Variants in SPAG16 observed in about 807,000 individuals in gnomAD.
The protein encoded by SPAG16 is sperm associated antigen 16, also known as sperm-associated antigen 16 protein.
Under a neutral mutation model 80.4 loss-of-function variants are expected in SPAG16, and 86 were observed. That is an observed-to-expected ratio of 1.07 (90% CI 0.90 to 1.28). The LOEUF (loss-of-function observed/expected upper bound fraction) is 1.28. Ranked by LOEUF, SPAG16 falls within the 50% of genes most tolerant of loss-of-function variation. The pLI is 0.00. For synonymous variants in SPAG16, 294 were observed against 265.9 expected, an observed-to-expected ratio of 1.11 and a Z score of -1.03; for missense variants, 870 against 765.3, an observed-to-expected ratio of 1.14 and a Z score of -1.61.
chr2:213,906,903 A>G (rs1318601710), intron 11 of SPAG16, among the ~76,000 whole-genome samples: 1 of 152,196 alleles, frequency 6.6e-6, no homozygotes, highest in Non-Finnish European at 1.5e-5. Context: ...AAATCTATAA[A>G]ACTACTAGAA....
At chr2:214,212,963 C>T (rs528681289) in intron 15 of SPAG16, among the ~76,000 whole-genome samples, 1 of 152,332 alleles carries the variant, frequency 6.6e-6, no homozygotes, top group South Asian at 2.1e-4. Context: ...GCACGGTGGG[C>T]CACCATTATT....
At chr2:213,959,100 A>G (rs888259725) in intron 12 of SPAG16, among the ~76,000 whole-genome samples, 15 of 152,050 alleles carry the variant, frequency 9.9e-5, no homozygotes, top group Admixed American at 9.8e-4. Context: ...TCTGGCTTCC[A>G]TAGTTTTTGA....
chr2:214,198,158 C>G (rs538081715), intron 15 of SPAG16, among the ~76,000 whole-genome samples: 161 of 151,812 alleles, frequency 1.1e-3, no homozygotes, highest in Admixed American at 2.0e-3. Flanking sequence ...TAAGTTCTTC[C>G]TAGTGATGAT....
At chr2:213,704,734 C>A (rs1407911874) in intron 10 of SPAG16, among the ~76,000 whole-genome samples, 1 of 152,158 alleles carries the variant, frequency 6.6e-6, no homozygotes, top group Non-Finnish European at 1.5e-5. Context: ...ATAAAATAAG[C>A]CAAGTCAATG....
chr2:213,284,490 G>C lies in SPAG16; in HGVS notation c.7G>C (p.Ala3Pro). The change falls in exon 1 of 16, where the codon GCT becomes CCT. Residue 3 changes from alanine to proline, a missense_variant. By Grantham distance (27) the Ala-to-Pro change is conservative (BLOSUM62 -1). Transcript: ENST00000331683. MA[A>P]QRGMPSSAVR... The stretch of plus-strand genomic sequence containing the variant: ...GGGGCCCGAAGCGCCAGAGATGGCT[G>C]CTCAGCGAGGGATGCCCAGCTCCGC... The C allele has an allele frequency of 6.4e-7, 1 of 1,568,428 alleles. No individual in the cohort carries two copies. The highest frequency in any genetic ancestry group is 1.3e-5 in the African/African-American group (1 of 74,188).
intron 15 of SPAG16, among the ~76,000 whole-genome samples, chr2:214,279,366 AT>A (rs1327638387): frequency 3.3e-5 from 5 of 152,148 alleles, no homozygotes; most frequent in African/African-American, 1.2e-4. Flanking sequence ...AGAAACAAGC[AT>A]TTTTTTAAAA....
chr2:214,340,369 A>G (rs1290030415), intron 15 of SPAG16, among the ~76,000 whole-genome samples: 2 of 152,234 alleles, frequency 1.3e-5, no homozygotes, highest in East Asian at 1.9e-4. Flanking sequence ...AAAAGTTAAC[A>G]CAGAATTCCT....
intron 15 of SPAG16, among the ~76,000 whole-genome samples, chr2:214,402,925 T>A (rs917236272): frequency 6.6e-6 from 1 of 151,984 alleles, no homozygotes; most frequent in Non-Finnish European, 1.5e-5. Flanking sequence ...TGAGCATAGA[T>A]TCACACTGGA....
intron 15 of SPAG16, among the ~76,000 whole-genome samples, chr2:214,288,138 T>A (rs897487752): frequency 1.4e-5 from 2 of 144,492 alleles, no homozygotes; most frequent in Non-Finnish European, 3.1e-5. Flanking sequence ...TGAGATCAAC[T>A]TTTTTAGCTC....
At chr2:213,402,029 T>C (rs1414969383) in intron 9 of SPAG16, among the ~76,000 whole-genome samples, 1 of 152,108 alleles carries the variant, frequency 6.6e-6, no homozygotes, top group Non-Finnish European at 1.5e-5. Context: ...TGAAACATTA[T>C]TATTTAAGAA....
chr2:213,934,217 G>A (rs1294870931), intron 12 of SPAG16, among the ~76,000 whole-genome samples: 4 of 152,162 alleles, frequency 2.6e-5, no homozygotes, highest in Non-Finnish European at 5.9e-5. Context: ...TCACTATTTG[G>A]ACTAGTGATG....
intron 10 of SPAG16, among the ~76,000 whole-genome samples, chr2:213,783,041 T>G (rs1415626265): frequency 2.9e-5 from 3 of 103,862 alleles, no homozygotes; most frequent in Admixed American, 1.1e-4. Flanking sequence ...ATGCTATCCC[T>G]CCCCCCTCCC....
In SPAG16 at chr2:213,958,444, G is replaced by C. The variant is rs77983919; in HGVS notation, c.1400+28299G>C. Among the ~76,000 whole-genome samples, 695 of 152,230 alleles carry C rather than the reference G, an allele frequency of 4.6e-3. 4 individuals carry two copies. The highest frequency in any genetic ancestry group is 6.4e-3 in the Admixed American group (98 of 15,300). On this transcript the variant is annotated intron_variant, in intron 12 of 15. Transcript: ENST00000331683. ...GGTAGAGAACTGGAAACTATGCAAA[G>C]TGTGACTAAGCCCCGCTTCTGGTAT...
intron 9 of SPAG16, among the ~76,000 whole-genome samples, chr2:213,426,087 A>G (rs1375876388): frequency 6.6e-6 from 1 of 152,200 alleles, no homozygotes; most frequent in African/African-American, 2.4e-5. Flanking sequence ...AAATATATTT[A>G]TTGGCCACTG....
At chr2:213,304,918 C>T (rs13422754) in intron 3 of SPAG16, among the ~76,000 whole-genome samples, 43,038 of 151,890 alleles carry the variant, frequency 0.28, 6,489 homozygotes, top group African/African-American at 0.32. Context: ...ATGTCATTGG[C>T]ATTTTATTTT....
At chr2:213,480,884 A>G (rs919733299) in intron 9 of SPAG16, among the ~76,000 whole-genome samples, 2 of 152,228 alleles carry the variant, frequency 1.3e-5, no homozygotes, top group African/African-American at 4.8e-5. Flanking sequence ...GCTTATCAAA[A>G]AGAAAAATTG....
chr2:213,314,743 G>T (rs1348558604), intron 4 of SPAG16, among the ~76,000 whole-genome samples: 1 of 151,680 alleles, frequency 6.6e-6, no homozygotes, highest in Non-Finnish European at 1.5e-5. Flanking sequence ...TTCTCTAGTG[G>T]TTTTTCCTCA....
chr2:213,783,014 A>G (rs1282192296), intron 10 of SPAG16, among the ~76,000 whole-genome samples: 1 of 150,860 alleles, frequency 6.6e-6, no homozygotes, highest in Non-Finnish European at 1.5e-5. Flanking sequence ...GTCATCTAGC[A>G]TTAGGTATAT....
At chr2:214,085,885 G>A (rs967782582) in intron 13 of SPAG16, among the ~76,000 whole-genome samples, 2 of 152,170 alleles carry the variant, frequency 1.3e-5, no homozygotes, top group Non-Finnish European at 2.9e-5. Flanking sequence ...ATATTTATAC[G>A]TGGCAGAAGC....
Sources: allele counts gnomAD v4.1 joint callset (sites outside exome capture counted in the v4.1 genomes callset), GRCh38; gene constraint gnomAD v4.1.1; transcripts MANE v1.5; gene names NCBI Gene and HGNC (gene_info 2026-07-23, HGNC 2026-07-21).